The following NTM variants were observed in gnomAD, a reference collection of about 807,000 sequenced individuals.
NTM encodes IgLON family member 2.
In NTM, 13 loss-of-function variants were observed where a neutral mutation model predicts 42.1. The observed-to-expected ratio is 0.31, with a 90% CI of 0.20 to 0.49. NTM has a LOEUF of 0.49. NTM is among the 20% of genes least tolerant of loss of function. NTM has a pLI of 0.99. For missense variants in NTM, 373 were observed against 452.8 expected, an observed-to-expected ratio of 0.82 and a Z score of 1.60; for synonymous variants, 187 against 179.2, an observed-to-expected ratio of 1.04 and a Z score of -0.35.
At chr11:131,671,389 CT>C (rs1319992946) in intron 1 of NTM, 21 of 979,612 alleles carry the variant, frequency 2.1e-5, no homozygotes, top group South Asian at 4.7e-5. Context: ...TGTCTCCATC[CT>C]TCTACATTAC....
chr11:131,735,846 G>T (rs2080360064), intron 1 of NTM, among the ~76,000 whole-genome samples: 1 of 150,988 alleles, frequency 6.6e-6, no homozygotes, highest in Non-Finnish European at 1.5e-5. Context: ...GTGTGTGTGT[G>T]TGTGTGTGTG....
chr11:132,292,108 A>G (rs2094466611), intron 4 of NTM, among the ~76,000 whole-genome samples: 1 of 152,224 alleles, frequency 6.6e-6, no homozygotes, highest in African/African-American at 2.4e-5. Flanking sequence ...GAGAAAGTCC[A>G]GGTAGCTGAT....
chr11:132,115,831 G>A (rs1264997966), intron 2 of NTM, among the ~76,000 whole-genome samples: 2 of 152,182 alleles, frequency 1.3e-5, no homozygotes, highest in Non-Finnish European at 2.9e-5. Flanking sequence ...CACACACTAT[G>A]TGGCAAGGGC....
At chr11:131,609,280 G>T (rs2061276783) in intron 1 of NTM, among the ~76,000 whole-genome samples, 1 of 152,226 alleles carries the variant, frequency 6.6e-6, no homozygotes, top group Non-Finnish European at 1.5e-5. Context: ...TTAGGCCTGG[G>T]TTGCTTGAGA....
At chr11:131,853,637 C>T (rs2045813231) in intron 1 of NTM, among the ~76,000 whole-genome samples, 1 of 152,194 alleles carries the variant, frequency 6.6e-6, no homozygotes, top group South Asian at 2.1e-4. Context: ...TTTATTCAGT[C>T]TATCATTGAT....
At chr11:132,288,335 G>A (rs551463821) in intron 4 of NTM, among the ~76,000 whole-genome samples, 1 of 152,204 alleles carries the variant, frequency 6.6e-6, no homozygotes, top group Non-Finnish European at 1.5e-5. Flanking sequence ...TAAAGGGCAA[G>A]TAGACCTTAA....
chr11:131,628,481 G>C (rs2063334618), intron 1 of NTM, among the ~76,000 whole-genome samples: 2 of 152,138 alleles, frequency 1.3e-5, no homozygotes, highest in Admixed American at 6.5e-5. Flanking sequence ...AAGATTTTAG[G>C]TAGAATCACG....
chr11:132,334,855 A>T, intron 8 of NTM, 191 bp from the exon 9 acceptor site: 1 of 466,296 alleles, frequency 2.1e-6, no homozygotes, highest in Non-Finnish European at 2.8e-6. Context: ...GCTTCCCGTT[A>T]TCTAGTGTGT....
intron 1 of NTM, among the ~76,000 whole-genome samples, chr11:131,444,845 T>C (rs1949922751): frequency 6.6e-6 from 1 of 152,176 alleles, no homozygotes; most frequent in Admixed American, 6.5e-5. Flanking sequence ...GAAGGTTATA[T>C]GTGGGTACAA....
intron 1 of NTM, among the ~76,000 whole-genome samples, chr11:131,556,727 C>A (rs1304656365): frequency 1.3e-5 from 2 of 152,034 alleles, no homozygotes; most frequent in Admixed American, 6.6e-5. Flanking sequence ...GCCACCACAC[C>A]CAGCTAATTT....
chr11:131,451,956 A>G (rs1950520144), intron 1 of NTM, among the ~76,000 whole-genome samples: 1 of 152,142 alleles, frequency 6.6e-6, no homozygotes, highest in Non-Finnish European at 1.5e-5. Context: ...CCTCCAGTAG[A>G]ACAGCCGGCA....
In NTM at chr11:132,329,985, C is replaced by T. The variant is rs947519981; in HGVS notation, c.935-168C>T. The T allele has an allele frequency of 1.1e-5, 7 of 641,882 alleles. No individual in the cohort carries two copies. The African/African-American group carries it at 1.2e-4, about 11-fold the overall frequency. 39.8% of individuals were successfully genotyped at this position (641,882 alleles called of 1,614,324 possible). ...GTAAACCAGAAAACCAGAGGGGGGTCACATAGGAGGGCTGGGCAGTGGTCA... is the reference window on the plus strand; with the variant it reads ...GTAAACCAGAAAACCAGAGGGGGGTTACATAGGAGGGCTGGGCAGTGGTCA... On this transcript the variant is annotated intron_variant, in intron 7 of 8. Coordinates refer to ENST00000683400, the MANE Select transcript of NTM (RefSeq NM_001352005.2).
chr11:131,682,236 G>T (rs950225444), intron 1 of NTM, among the ~76,000 whole-genome samples: 1 of 152,196 alleles, frequency 6.6e-6, no homozygotes, highest in African/African-American at 2.4e-5. Flanking sequence ...AGCCCTGCTG[G>T]CATGCTGTAT....
chr11:131,701,038 T>A (rs187634462), intron 1 of NTM, among the ~76,000 whole-genome samples: 3 of 152,328 alleles, frequency 2.0e-5, no homozygotes, highest in Admixed American at 1.3e-4. Flanking sequence ...GCATGTAATA[T>A]GTTTAGGACA....
chr11:132,004,607 C>CTCTCTT (rs1555214538), intron 2 of NTM, among the ~76,000 whole-genome samples: 1 of 19,160 alleles, frequency 5.2e-5, no homozygotes, highest in Non-Finnish European at 1.6e-4. Flanking sequence ...TTCTCTCTTT[C>CTCTCTT]TCTCTCTCTC....
At chr11:131,416,372 C>G (rs752102692) in intron 1 of NTM, among the ~76,000 whole-genome samples, 38 of 152,150 alleles carry the variant, frequency 2.5e-4, no homozygotes, top group Non-Finnish European at 4.7e-4. Flanking sequence ...TATTATTTCA[C>G]TTACACATTT....
chr11:132,044,999 A>G (rs1188110501), intron 2 of NTM, among the ~76,000 whole-genome samples: 1 of 152,224 alleles, frequency 6.6e-6, no homozygotes, highest in East Asian at 1.9e-4. Flanking sequence ...AAAATTGAAA[A>G]GAAGGGGACT....
At chr11:131,887,111 A>G (rs954609549) in intron 1 of NTM, among the ~76,000 whole-genome samples, 10 of 152,190 alleles carry the variant, frequency 6.6e-5, no homozygotes, top group Admixed American at 5.2e-4. Context: ...GTACACTTGA[A>G]ATGTTCTAAC....
intron 2 of NTM, among the ~76,000 whole-genome samples, chr11:132,000,661 A>G (rs1003580697): frequency 6.6e-6 from 1 of 152,096 alleles, no homozygotes; most frequent in Non-Finnish European, 1.5e-5. Flanking sequence ...GTTCCTCTAT[A>G]TTTCATCTTG....
Sources: gnomAD v4.1 joint callset for allele counts (sites outside exome capture counted in the v4.1 genomes callset) on GRCh38, gnomAD v4.1.1 for gene constraint, MANE v1.5 for transcripts, NCBI Gene and HGNC (gene_info 2026-07-23, HGNC 2026-07-21) for gene names.